Variants in TMEM232 observed in about 807,000 individuals in gnomAD.
TMEM232 encodes transmembrane protein 232.
TMEM232 carries 80 observed loss-of-function variants against 78.8 expected under a neutral mutation model. That is an observed-to-expected ratio of 1.01 (90% CI 0.85 to 1.22). The LOEUF is 1.22. TMEM232 is among the 50% of genes most tolerant of loss of function. TMEM232 has a pLI of 0.00. For missense variants in TMEM232, 881 were observed against 742.2 expected (o/e 1.19, Z -2.17); for synonymous variants, 297 against 254.3 (o/e 1.17, Z -1.60).
chr5:110,667,894 T>C (rs1455770847), intron 1 of TMEM232, among the ~76,000 whole-genome samples: 1 of 152,116 alleles, frequency 6.6e-6, no homozygotes, highest in Non-Finnish European at 1.5e-5. Context: ...AGATAGTGCT[T>C]TCTCTGCTTG....
At chr5:110,722,058 G>A (rs546995029) in intron 1 of TMEM232, among the ~76,000 whole-genome samples, 5 of 152,110 alleles carry the variant, frequency 3.3e-5, no homozygotes, top group African/African-American at 9.6e-5. Context: ...ACATTGTCAG[G>A]GGTTGGAGGT....
chr5:110,681,597 T>C (rs1414660666), intron 1 of TMEM232, among the ~76,000 whole-genome samples: 1 of 152,196 alleles, frequency 6.6e-6, no homozygotes, highest in Non-Finnish European at 1.5e-5. Context: ...AAAAGGGGGT[T>C]TGTGTTATTC....
intron 11 of TMEM232, among the ~76,000 whole-genome samples, chr5:110,531,456 C>T (rs1771462658): frequency 2.0e-5 from 3 of 152,188 alleles, no homozygotes; most frequent in Admixed American, 2.0e-4. Flanking sequence ...CAAGAAACAT[C>T]TCACTAATTT....
At chr5:110,696,819 C>G (rs1411564927) in intron 1 of TMEM232, among the ~76,000 whole-genome samples, 4 of 152,036 alleles carry the variant, frequency 2.6e-5, no homozygotes, top group African/African-American at 7.2e-5. Context: ...AATGGAAGAA[C>G]ATTCCATGCT....
intron 1 of TMEM232, among the ~76,000 whole-genome samples, chr5:110,697,275 T>C (rs1794900844): frequency 6.6e-6 from 1 of 152,162 alleles, no homozygotes; most frequent in South Asian, 2.1e-4. Flanking sequence ...ATCCCTTCCT[T>C]ACACCTTATA....
chr5:110,588,529 T>C (rs1008121630), intron 10 of TMEM232, among the ~76,000 whole-genome samples: 1 of 152,214 alleles, frequency 6.6e-6, no homozygotes, highest in African/African-American at 2.4e-5. Context: ...AGATGAGAGA[T>C]GACAGCAGGG....
At position 110,610,709 on chromosome 5, in the gene TMEM232, C is replaced by T. The variant is rs1321449390; in HGVS notation, c.903-4422G>A. 2.9e-5 allele frequency: 10 copies of T among 340,408 alleles called. 1 individual carries two copies. Among genetic ancestry groups the T allele is most frequent in the South Asian group, 2.1e-4 (9 of 42,684 alleles). 21.1% of individuals were successfully genotyped at this position (340,408 alleles called of 1,614,324 possible). Reference sequence around the variant, plus strand: ...AAACATATAAAAACAAGAGGACTGACGACTTCGAACATCTCATCATAACTG... The same window carrying T: ...AAACATATAAAAACAAGAGGACTGATGACTTCGAACATCTCATCATAACTG... On this transcript the variant is annotated intron_variant, in intron 8 of 13. Coordinates refer to ENST00000455884, the MANE Select transcript of TMEM232 (RefSeq NM_001039763.4).
chr5:110,606,045 TTTA>T (rs1446408201), intron 9 of TMEM232, 116 bp downstream of exon 9: 2 of 905,160 alleles, frequency 2.2e-6, no homozygotes, highest in East Asian at 7.1e-5. Context: ...TTTAATTAAA[TTTA>T]TTATTATAAA....
intron 1 of TMEM232, among the ~76,000 whole-genome samples, chr5:110,737,332 G>C (rs1203941860): frequency 6.6e-6 from 1 of 151,774 alleles, no homozygotes; most frequent in African/African-American, 2.4e-5. Context: ...TTCCTATTAT[G>C]AGCAAGCATG....
chr5:110,510,530 G>T (rs1436298307), intron 12 of TMEM232, among the ~76,000 whole-genome samples: 7 of 151,994 alleles, frequency 4.6e-5, no homozygotes, highest in Admixed American at 4.6e-4. Flanking sequence ...AGGCTATATT[G>T]AATGGCATAT....
rs1407976081 is a variant in TMEM232 at position 110,737,562 on chromosome 5, C to G, written c.-126+431G>C. Among the ~76,000 whole-genome samples the G allele has an allele frequency of 2.6e-5, 4 of 152,198 alleles. No individual in the cohort carries two copies. In the East Asian group the frequency reaches 5.8e-4, roughly 22 times the overall value. On this transcript the variant is annotated intron_variant, in intron 1 of 4. Transcript: ENST00000512886. ...GACAATGTGCATTTTCCCTTTTAAACACCTTAATACGTGAAAGATAATTAA... is the reference window on the plus strand; with the variant it reads ...GACAATGTGCATTTTCCCTTTTAAAGACCTTAATACGTGAAAGATAATTAA...
At chr5:110,732,515 A>G (rs1003063112) in intron 2 of TMEM232, among the ~76,000 whole-genome samples, 4 of 152,210 alleles carry the variant, frequency 2.6e-5, no homozygotes, top group Non-Finnish European at 5.9e-5. Flanking sequence ...CACTTCTTAC[A>G]TGACAGTGGC....
intron 3 of TMEM232, among the ~76,000 whole-genome samples, chr5:110,391,292 T>A (rs1453614863): frequency 1.3e-4 from 1 of 7,664 alleles, no homozygotes; most frequent in Non-Finnish European, 2.7e-3. Context: ...CCCGTTTGAA[T>A]GTGTGTGTGT....
In TMEM232 at chr5:110,509,000, A is replaced by ATATATG. The variant is rs1554094394; in HGVS notation, c.1703+19587_1703+19588insCATATA. Among the ~76,000 whole-genome samples, 148 of 104,560 alleles carry ATATATG rather than the reference A, an allele frequency of 1.4e-3. 1 individual carries two copies. Among genetic ancestry groups the ATATATG allele is most frequent in the African/African-American group, 9.9e-3 (144 of 14,514 alleles). The allele number at this position is 104,560 out of a possible 152,430, so 68.6% of individuals were successfully genotyped here. On this transcript the variant is annotated intron_variant, in intron 12 of 13. Transcript: ENST00000455884. ...TAAAATTATATATGTGTATATATGT[A>ATATATG]TATATATATGTATATATATACAATT...
At chr5:110,572,807 T>C (rs1777108495) in intron 10 of TMEM232, among the ~76,000 whole-genome samples, 1 of 152,028 alleles carries the variant, frequency 6.6e-6, no homozygotes, top group African/African-American at 2.4e-5. Flanking sequence ...TGACAGTTAA[T>C]GAAGAAAAAA....
At chr5:110,481,520 C>T (rs1413886354) in intron 12 of TMEM232, among the ~76,000 whole-genome samples, 1 of 152,066 alleles carries the variant, frequency 6.6e-6, no homozygotes, top group East Asian at 1.9e-4. Flanking sequence ...AGTACCTCTC[C>T]CCTCCGCACA....
At chr5:110,616,609 G>T (rs909701394) in intron 8 of TMEM232, among the ~76,000 whole-genome samples, 1 of 151,732 alleles carries the variant, frequency 6.6e-6, no homozygotes, top group East Asian at 1.9e-4. Context: ...TTAATAACAA[G>T]AAAACAAATA....
intron 2 of TMEM232, among the ~76,000 whole-genome samples, chr5:110,400,014 C>T (rs1231569272): frequency 6.6e-6 from 1 of 152,156 alleles, no homozygotes. Context: ...ACTCCTTGCT[C>T]TTAAGTTCCT....
At chr5:110,674,580 A>C (rs1030558252) in intron 1 of TMEM232, among the ~76,000 whole-genome samples, 6 of 152,240 alleles carry the variant, frequency 3.9e-5, no homozygotes, top group Admixed American at 1.3e-4. Context: ...TTCAAACTAA[A>C]AAATGTTTGA....
Sources: allele counts gnomAD v4.1 joint callset (sites outside exome capture counted in the v4.1 genomes callset), GRCh38; gene constraint gnomAD v4.1.1; transcripts MANE v1.5; gene names NCBI Gene and HGNC (gene_info 2026-07-23, HGNC 2026-07-21).